The following FAM180A variants were observed in gnomAD, a reference collection of about 807,000 sequenced individuals.
FAM180A encodes the protein family with sequence similarity 180 member A.
Under a neutral mutation model 15.3 loss-of-function variants are expected in FAM180A, and 14 were observed. The observed-to-expected ratio is 0.92, with a 90% confidence interval of 0.61 to 1.43. The LOEUF (loss-of-function observed/expected upper bound fraction) is 1.43, where lower values mean the gene tolerates loss of function less well. Ranked by LOEUF, FAM180A falls within the 40% of genes most tolerant of loss-of-function variation. FAM180A has a pLI of 0.00. For synonymous variants in FAM180A, 90 were observed against 96.8 expected, an observed-to-expected ratio of 0.93 and a Z score of 0.41; for missense variants, 200 against 220.8, an observed-to-expected ratio of 0.91 and a Z score of 0.60.
At chr7:135,731,842 TG>T (rs752261418) in intron 3 of FAM180A, among the ~76,000 whole-genome samples, 41 of 152,370 alleles carry the variant, frequency 2.7e-4, no homozygotes, top group Non-Finnish European at 4.7e-4. Flanking sequence ...TCAAAGATTT[TG>T]AAGGAGTCCA....
intron 1 of FAM180A, among the ~76,000 whole-genome samples, chr7:135,746,505 C>T (rs919232818): frequency 1.3e-5 from 2 of 152,160 alleles, no homozygotes; most frequent in African/African-American, 2.4e-5. Context: ...AGAGATGGAA[C>T]TTAAACCAGG....
chr7:135,745,465 C>A (rs1022144074), intron 1 of FAM180A, among the ~76,000 whole-genome samples: 3 of 151,596 alleles, frequency 2.0e-5, no homozygotes, highest in Non-Finnish European at 4.4e-5. Context: ...GGGACGTGGG[C>A]CACCTGTGTG....
At chr7:135,738,350 C>T (rs188454775) in intron 1 of FAM180A, among the ~76,000 whole-genome samples, 26 of 152,234 alleles carry the variant, frequency 1.7e-4, no homozygotes, top group Non-Finnish European at 1.0e-4. Context: ...TGTGCCACCA[C>T]GCTCGGCTAA....
intron 1 of FAM180A, among the ~76,000 whole-genome samples, chr7:135,744,425 G>A (rs189205214): frequency 7.2e-5 from 11 of 152,326 alleles, no homozygotes; most frequent in Admixed American, 7.2e-4. Context: ...GAAAGGAAAA[G>A]CTCTCGTTTG....
chr7:135,736,354 C>T (rs1228239372), intron 2 of FAM180A, among the ~76,000 whole-genome samples: 2 of 152,214 alleles, frequency 1.3e-5, no homozygotes, highest in Non-Finnish European at 2.9e-5. Context: ...ACCAGACAGT[C>T]CTAGTGCATG....
In FAM180A at chr7:135,737,085, T is replaced by TC; in HGVS notation, c.177+13dup. ...TTTGGGTGACTTGGATTGAGCATGT[T>TC]CCCCTCTGCCTACCTCGTAGAGCAG... On this transcript the variant is annotated intron_variant, in intron 2 of 3. Transcript: ENST00000338588. 1 of 1,595,138 alleles carries TC rather than the reference T, an allele frequency of 6.3e-7. No homozygotes were observed. The highest frequency in any genetic ancestry group is 1.7e-4 in the Middle Eastern group (1 of 6,030).
chr7:135,742,813 T>A (rs1796970844), intron 1 of FAM180A, among the ~76,000 whole-genome samples: 1 of 152,214 alleles, frequency 6.6e-6, no homozygotes, highest in Non-Finnish European at 1.5e-5. Context: ...CATAAGTACC[T>A]TGTGAGGTAA....
At chr7:135,742,328 C>T (rs887402351) in intron 1 of FAM180A, among the ~76,000 whole-genome samples, 7 of 152,184 alleles carry the variant, frequency 4.6e-5, no homozygotes, top group African/African-American at 1.7e-4. Flanking sequence ...ATGATGAAGG[C>T]TGGACCCCAC....
intron 1 of FAM180A, among the ~76,000 whole-genome samples, chr7:135,745,999 A>C (rs888046276): frequency 6.6e-6 from 1 of 151,902 alleles, no homozygotes; most frequent in Non-Finnish European, 1.5e-5. Flanking sequence ...TTTTATAATT[A>C]GAAAAAAATG....
Position 135,733,816 on chromosome 7 carries a change from T to C in FAM180A, c.*159A>G. On this transcript the variant is annotated 3_prime_UTR_variant, in exon 3 of 4. Transcript: ENST00000338588. ...GAATCAGATGTGTCTTCCAGGAAAC[T>C]ACAAGGAGAAAAGAGCATCGGGGTT... 2.1e-6 allele frequency: 3 copies of C among 1,400,702 alleles called. No individual in the cohort carries two copies. Among genetic ancestry groups the C allele is most frequent in the Non-Finnish European group, 2.8e-6 (3 of 1,082,142 alleles). 86.8% of individuals were successfully genotyped at this position (1,400,702 alleles called of 1,614,324 possible). A position where few individuals can be genotyped will look rare whatever the true frequency, so the allele number is the denominator to read the frequency against.
At chr7:135,731,750 G>T (rs1796785549) in intron 3 of FAM180A, among the ~76,000 whole-genome samples, 1 of 152,196 alleles carries the variant, frequency 6.6e-6, no homozygotes, top group Non-Finnish European at 1.5e-5. Context: ...GTTTTTCTCT[G>T]ATGATGAATA....
chr7:135,744,036 AC>A (rs1677378437), intron 1 of FAM180A, among the ~76,000 whole-genome samples: 1 of 152,116 alleles, frequency 6.6e-6, no homozygotes, highest in Non-Finnish European at 1.5e-5. Context: ...TTGGGCCTGG[AC>A]GAAGCTAGTT....
In FAM180A at chr7:135,748,388, CAG is replaced by C; in HGVS notation, c.76+115_76+116del. 4 of 765,214 alleles carry C rather than the reference CAG, an allele frequency of 5.2e-6. No individual in the cohort carries two copies. The Middle Eastern group carries it at 7.1e-4, about 137-fold the overall frequency. 47.4% of individuals were successfully genotyped at this position (765,214 alleles called of 1,614,324 possible). A position where few individuals can be genotyped will look rare whatever the true frequency, so the allele number is the denominator to read the frequency against. ...ACGTCAAGAAGCATCAAGGAATTGA[CAG>C]AGATTAGACAAAAGGAGAGTGCGGG... On this transcript the variant is annotated intron_variant, in intron 1 of 3. Coordinates refer to ENST00000338588, the MANE Select transcript of FAM180A (RefSeq NM_205855.4).
At position 135,738,310 on chromosome 7, in the gene FAM180A, C is replaced by T. The variant is rs142595701; in HGVS notation, c.77-1111G>A. ...GTGGGTTCAAGTGATTCTCCTGCCT[C>T]AGCCTCTCAAGTAGCTGGGATTACA... On this transcript the variant is annotated intron_variant, in intron 1 of 3. Coordinates refer to ENST00000338588, the MANE Select transcript of FAM180A (RefSeq NM_205855.4). Among the ~76,000 whole-genome samples, 441 of 152,346 alleles carry T rather than the reference C, an allele frequency of 2.9e-3. 1 individual carries two copies. The highest frequency in any genetic ancestry group is 4.6e-3 in the Non-Finnish European group (315 of 68,030).
rs1421575668 is a variant in FAM180A at position 135,733,727 on chromosome 7, C to A, written c.*248G>T. On this transcript the variant is annotated 3_prime_UTR_variant, in exon 3 of 4. Transcript: ENST00000338588. ...TGCCTGCCATAGGCAAACCATTCTG[C>A]CCATGGAGGCGTCTTGAATGACCAT... The A allele has an allele frequency of 7.6e-7, 1 of 1,318,094 alleles. No homozygotes were observed. Among genetic ancestry groups the A allele is most frequent in the Non-Finnish European group, 9.6e-7 (1 of 1,037,586 alleles). 81.6% of individuals were successfully genotyped at this position (1,318,094 alleles called of 1,614,324 possible).
intron 1 of FAM180A, among the ~76,000 whole-genome samples, chr7:135,739,664 T>G (rs1796918447): frequency 7.2e-6 from 1 of 138,810 alleles, no homozygotes. Flanking sequence ...TTAGAAGGAT[T>G]GCCATCAGAA....
intron 2 of FAM180A, among the ~76,000 whole-genome samples, chr7:135,734,996 G>A (rs930208646): frequency 4.6e-5 from 7 of 152,150 alleles, no homozygotes; most frequent in African/African-American, 1.7e-4. Flanking sequence ...CCACCTCCTG[G>A]GTTCAAGCGA....
Position 135,737,747 on chromosome 7 carries a change from C to T in FAM180A, c.77-548G>A, listed in dbSNP as rs550494190. 7.2e-5 allele frequency among the ~76,000 whole-genome samples: 11 copies of T among 151,746 alleles called. No individual in the cohort carries two copies. The South Asian group carries it at 1.9e-3, about 26-fold the overall frequency. The stretch of plus-strand genomic sequence containing the variant: ...CTTAAAAACTGGCTGCTCATCAGAA[C>T]CATCTGAGAAAACGAGAAAAGAAAA... On this transcript the variant is annotated intron_variant, in intron 1 of 3. Transcript: ENST00000338588.
intron 1 of FAM180A, among the ~76,000 whole-genome samples, chr7:135,742,138 C>A (rs1584753315): frequency 1.3e-5 from 2 of 152,188 alleles, no homozygotes; most frequent in South Asian, 4.1e-4. Flanking sequence ...GCAGACATCT[C>A]AGTGGCTCGG....
Sources: allele counts gnomAD v4.1 joint callset (sites outside exome capture counted in the v4.1 genomes callset), GRCh38; gene constraint gnomAD v4.1.1; transcripts MANE v1.5; gene names NCBI Gene and HGNC (gene_info 2026-07-23, HGNC 2026-07-21).